Variants in ZNF407 observed in about 807,000 individuals in gnomAD.
The protein encoded by ZNF407 is zinc finger protein 407.
A neutral mutation model predicts 131.2 loss-of-function variants in ZNF407; 17 were observed. That is an observed-to-expected ratio of 0.13 (90% CI 0.09 to 0.19). The LOEUF is 0.19. Ranked by LOEUF, ZNF407 falls within the 10% of genes least tolerant of loss-of-function variation. The pLI is 1.00. For synonymous variants in ZNF407, 1,156 were observed against 1,062.0 expected, an observed-to-expected ratio of 1.09 and a Z score of -1.72; for missense variants, 2,681 against 2,830.6, an observed-to-expected ratio of 0.95 and a Z score of 1.20.
chr18:74,841,017 C>A (rs189067870), intron 4 of ZNF407, among the ~76,000 whole-genome samples: 1 of 152,320 alleles, frequency 6.6e-6, no homozygotes, highest in East Asian at 1.9e-4. Flanking sequence ...GTGATGAGGT[C>A]TCTGTTGTCA....
intron 3 of ZNF407, among the ~76,000 whole-genome samples, chr18:74,769,178 G>A (rs1336801024): frequency 6.6e-6 from 1 of 152,192 alleles, no homozygotes; most frequent in East Asian, 1.9e-4. Flanking sequence ...TTCAGCCCAA[G>A]TTTCTTTGAC....
At chr18:74,715,023 G>C (rs1827644384) in intron 3 of ZNF407, among the ~76,000 whole-genome samples, 1 of 152,198 alleles carries the variant, frequency 6.6e-6, no homozygotes, top group African/African-American at 2.4e-5. Flanking sequence ...AGCCCTGCCT[G>C]TCTGCCTGGA....
At chr18:74,857,933 C>T (rs1326561242) in intron 4 of ZNF407, among the ~76,000 whole-genome samples, 1 of 129,406 alleles carries the variant, frequency 7.7e-6, no homozygotes, top group African/African-American at 2.9e-5. Flanking sequence ...TCTCCCCTCC[C>T]CTCCCCTCCC....
intron 8 of ZNF407, among the ~76,000 whole-genome samples, chr18:74,955,492 C>T (rs1972265081): frequency 6.6e-6 from 1 of 152,174 alleles, no homozygotes; most frequent in Admixed American, 6.5e-5. Context: ...GGAGCTGGCG[C>T]TGGGCTAGCC....
chr18:74,936,462 C>T (rs1394318320), intron 8 of ZNF407, among the ~76,000 whole-genome samples: 1 of 152,056 alleles, frequency 6.6e-6, no homozygotes, highest in African/African-American at 2.4e-5. Flanking sequence ...GAGACTCTGC[C>T]CCTGCGCATT....
intron 8 of ZNF407, among the ~76,000 whole-genome samples, chr18:74,964,866 C>G (rs866274004): frequency 2.0e-5 from 3 of 152,174 alleles, no homozygotes; most frequent in African/African-American, 7.2e-5. Flanking sequence ...CCTACCCTCC[C>G]TTTAGATGTC....
intron 3 of ZNF407, among the ~76,000 whole-genome samples, chr18:74,662,601 C>T (rs562874036): frequency 6.6e-6 from 1 of 152,288 alleles, no homozygotes; most frequent in South Asian, 2.1e-4. Context: ...TGAGTTTACT[C>T]TTTCAGAAAA....
intron 8 of ZNF407, among the ~76,000 whole-genome samples, chr18:74,992,452 A>G (rs1416484295): frequency 6.6e-6 from 1 of 152,190 alleles, no homozygotes; most frequent in African/African-American, 2.4e-5. Flanking sequence ...GCCTGGCACA[A>G]GAGTGTTCTG....
intron 4 of ZNF407, among the ~76,000 whole-genome samples, chr18:74,828,644 T>C (rs1329968663): frequency 1.4e-5 from 2 of 147,470 alleles, no homozygotes; most frequent in Admixed American, 6.8e-5. Flanking sequence ...AGCTAGAAGG[T>C]TCTGCTGATT....
intron 8 of ZNF407, among the ~76,000 whole-genome samples, chr18:74,958,949 C>T (rs768767445): frequency 4.6e-5 from 7 of 152,112 alleles, no homozygotes; most frequent in Middle Eastern, 6.3e-3. Context: ...AATGGAGAGG[C>T]GGAAGTTACT....
intron 4 of ZNF407, among the ~76,000 whole-genome samples, chr18:74,784,716 G>A (rs532170027): frequency 4.6e-5 from 7 of 152,104 alleles, no homozygotes; most frequent in Non-Finnish European, 7.3e-5. Context: ...GAAAGTATTC[G>A]CTATTTTAAA....
At chr18:74,621,992 G>A (rs1983530386) in intron 1 of ZNF407, among the ~76,000 whole-genome samples, 1 of 152,040 alleles carries the variant, frequency 6.6e-6, no homozygotes, top group Non-Finnish European at 1.5e-5. Context: ...TCTAGTGAAT[G>A]GTTTTTTAGG....
chr18:74,733,162 C>A (rs1222142820), intron 3 of ZNF407, among the ~76,000 whole-genome samples: 3 of 151,484 alleles, frequency 2.0e-5, no homozygotes, highest in Non-Finnish European at 2.9e-5. Context: ...TTAAAGTTAG[C>A]TAATGTTTTA....
Position 74,635,380 on chromosome 18 carries a change from A to T in ZNF407, c.4361A>T (p.Tyr1454Phe), listed in dbSNP as rs769513109. Reference protein sequence around the residue: ...FHCLLCGKSFYTESNLHQHLA... With the variant: ...FHCLLCGKSFFTESNLHQHLA... The stretch of plus-strand genomic sequence containing the variant: ...TGTTTACTCTGTGGAAAGTCGTTCT[A>T]TACCGAAAGCAACCTTCACCAGCAT... Residue 1454 changes from tyrosine to phenylalanine, a missense_variant, in exon 2 of 9, where the codon TAT becomes TTT. Tyr to Phe is a conservative substitution (Grantham distance 22). Coordinates refer to ENST00000299687, the MANE Select transcript of ZNF407 (RefSeq NM_017757.3). The surrounding 1 kb of genome is among the most constrained non-coding windows in gnomAD (Gnocchi z 4.7). 4 of 1,614,004 alleles carry T rather than the reference A, an allele frequency of 2.5e-6. No homozygotes were observed. The South Asian group carries it at 4.4e-5, about 18-fold the overall frequency.
chr18:74,755,728 C>CCTTCCTTTCTTTCTTCCTTT (rs1555684064), intron 3 of ZNF407, among the ~76,000 whole-genome samples: 1 of 63,468 alleles, frequency 1.6e-5, no homozygotes, highest in East Asian at 4.9e-4. Flanking sequence ...TTCTTTCTTT[C>CCTTCCTTTCTTTCTTCCTTT]CTTTCTTTCT....
intron 4 of ZNF407, among the ~76,000 whole-genome samples, chr18:74,807,610 A>G (rs1378302993): frequency 6.6e-5 from 10 of 152,228 alleles, no homozygotes; most frequent in South Asian, 6.2e-4. Context: ...AAAAATTGAC[A>G]TAGTAAAGTA....
intron 3 of ZNF407, among the ~76,000 whole-genome samples, chr18:74,760,505 C>T (rs893741203): frequency 1.3e-5 from 2 of 152,042 alleles, no homozygotes; most frequent in Non-Finnish European, 2.9e-5. Context: ...TCTTATTCTC[C>T]CTAACTGGTT....
chr18:74,754,532 G>A (rs1029045832), intron 3 of ZNF407, among the ~76,000 whole-genome samples: 1 of 152,178 alleles, frequency 6.6e-6, no homozygotes, highest in African/African-American at 2.4e-5. Flanking sequence ...GTGTCCCAGA[G>A]ATTCTGGTAC....
At chr18:74,625,894 G>A (rs914469006) in intron 1 of ZNF407, among the ~76,000 whole-genome samples, 30 of 152,112 alleles carry the variant, frequency 2.0e-4, no homozygotes, top group Admixed American at 5.9e-4. Flanking sequence ...ACAGTCTAGC[G>A]TGTAGAGACA....
Sources: gnomAD v4.1 joint callset for allele counts (sites outside exome capture counted in the v4.1 genomes callset) on GRCh38, gnomAD v4.1.1 for gene constraint, Gnocchi (gnomAD v3.1) non-coding constraint, MANE v1.5 for transcripts, NCBI Gene and HGNC (gene_info 2026-07-23, HGNC 2026-07-21) for gene names.